Variants in TRA2A observed in about 807,000 individuals in gnomAD.
TRA2A encodes the protein transformer 2 alpha homolog, also known as transformer-2 protein homolog alpha.
TRA2A carries 31 observed loss-of-function variants against 45.7 expected under a neutral mutation model. That is an observed-to-expected ratio of 0.68 (90% confidence interval 0.51 to 0.92). The LOEUF (loss-of-function observed/expected upper bound fraction) is 0.92, where lower values mean the gene tolerates loss of function less well. Among genes scored for constraint, TRA2A ranks in the 40% least tolerant of loss-of-function variants. TRA2A has a pLI of 0.00. For synonymous variants in TRA2A, 132 were observed against 126.2 expected (o/e 1.05, Z -0.31); for missense variants, 304 against 367.5 (o/e 0.83, Z 1.41).
At chr7:23,512,770 CT>C (rs1789685043) in intron 4 of TRA2A, 123 bp downstream of exon 4, 27 of 850,350 alleles carry the variant, frequency 3.2e-5, no homozygotes, top group Non-Finnish European at 4.2e-5. Context: ...AAGATCCTAT[CT>C]TTAAAAAAAA....
chr7:23,510,624 C>T (rs918164083), intron 4 of TRA2A, among the ~76,000 whole-genome samples: 6 of 152,064 alleles, frequency 3.9e-5, no homozygotes, highest in African/African-American at 1.2e-4. Flanking sequence ...CCACTGTGCC[C>T]GGCCTGCCAT....
chr7:23,520,795 C>A (rs891391881), intron 2 of TRA2A, among the ~76,000 whole-genome samples: 2 of 151,112 alleles, frequency 1.3e-5, no homozygotes, highest in African/African-American at 4.9e-5. Flanking sequence ...TGGGTTCAAG[C>A]GATTCTCCTG....
intron 1 of TRA2A, chr7:23,522,297 C>T (rs1790166391): frequency 8.7e-7 from 1 of 1,153,980 alleles, no homozygotes; most frequent in South Asian, 1.9e-5. Context: ...TTCTATCTGA[C>T]CAATCTTCTG....
chr7:23,512,852 C>A, intron 4 of TRA2A, 42 bp downstream of exon 4: 1 of 1,392,310 alleles, frequency 7.2e-7, no homozygotes, highest in Non-Finnish European at 9.7e-7. Context: ...ACTTTTCACA[C>A]TAATTCAGTA....
intron 1 of TRA2A, among the ~76,000 whole-genome samples, chr7:23,528,171 T>C (rs568479633): frequency 1.1e-4 from 16 of 152,288 alleles, no homozygotes; most frequent in African/African-American, 3.8e-4. Flanking sequence ...TAAAACTTCA[T>C]ACACAAAAAA....
At chr7:23,519,986 G>C (rs921921226) in intron 2 of TRA2A, among the ~76,000 whole-genome samples, 2 of 152,222 alleles carry the variant, frequency 1.3e-5, no homozygotes, top group African/African-American at 4.8e-5. Context: ...CCAACACTTT[G>C]GGAGGCCGAG....
intron 4 of TRA2A, among the ~76,000 whole-genome samples, chr7:23,511,370 CAAA>C (rs567187750): frequency 2.5e-5 from 1 of 40,108 alleles, no homozygotes. Context: ...GACTCCATCT[CAAA>C]AAAAAAAAAA....
chr7:23,514,756 T>C (rs944964743), intron 3 of TRA2A, among the ~76,000 whole-genome samples: 3 of 152,186 alleles, frequency 2.0e-5, no homozygotes, highest in Admixed American at 6.6e-5. Flanking sequence ...CCAATATGCC[T>C]GGCCCATTTT....
intron 3 of TRA2A, among the ~76,000 whole-genome samples, chr7:23,514,519 C>T (rs1789770112): frequency 1.3e-5 from 2 of 152,054 alleles, no homozygotes; most frequent in Admixed American, 1.3e-4. Flanking sequence ...AATTCAAATG[C>T]TTTACATCCC....
intron 2 of TRA2A, among the ~76,000 whole-genome samples, chr7:23,520,647 G>A (rs1790092293): frequency 6.7e-6 from 1 of 149,338 alleles, no homozygotes; most frequent in Non-Finnish European, 1.5e-5. Context: ...CCCAAGAAAT[G>A]ACAAGGACGT....
At position 23,506,177 on chromosome 7, in the gene TRA2A, C is replaced by A; in HGVS notation, c.731G>T (p.Arg244Leu). The change falls in exon 6 of 8, where the codon CGT (arginine) becomes CTT (leucine). Residue 244 changes from arginine to leucine, a missense_variant. Around this residue, in one of 3 missense-constraint regions of TRA2A, gnomAD observed 130 missense variants for 217.1 expected, o/e 0.60. Transcript: ENST00000297071. ...RDSYYDRGYD[R>L]GYDRYEDYDY... is the part of the protein sequence containing the mutation. Reference sequence around the variant, plus strand: ...ATAGTCTTCATATCTGTCATACCCACGATCATATCCTCTATCATAGTAAGA... The same window carrying A: ...ATAGTCTTCATATCTGTCATACCCAAGATCATATCCTCTATCATAGTAAGA... 2 of 1,613,414 alleles carry A rather than the reference C, an allele frequency of 1.2e-6. No homozygotes were observed. Among genetic ancestry groups the A allele is most frequent in the Non-Finnish European group, 1.7e-6 (2 of 1,179,550 alleles).
At position 23,516,354 on chromosome 7, in the gene TRA2A, A is replaced by G; in HGVS notation, c.336+9T>C. 1 of 1,613,850 alleles carries G rather than the reference A, an allele frequency of 6.2e-7. No homozygotes were observed. Among genetic ancestry groups the G allele is most frequent in the Non-Finnish European group, 8.5e-7 (1 of 1,179,920 alleles). On this transcript the variant is annotated intron_variant, in intron 3 of 7. Coordinates refer to ENST00000297071, the MANE Select transcript of TRA2A (RefSeq NM_013293.5). ...AATAAGTCTTCATTAACTTTTATAA[A>G]CCACGTACCCTGCTGCCAGTATGTC...
At chr7:23,531,742 C>A (rs1462586973) in intron 1 of TRA2A, 47 bp downstream of exon 1, 2 of 1,609,608 alleles carry the variant, frequency 1.2e-6, no homozygotes, top group South Asian at 2.2e-5. Context: ...CGTGAAACCC[C>A]GAGCATTGGG....
intron 4 of TRA2A, among the ~76,000 whole-genome samples, chr7:23,509,945 G>A (rs139204584): frequency 1.7e-3 from 262 of 152,288 alleles, no homozygotes; most frequent in African/African-American, 6.0e-3. Context: ...AAGATCACTT[G>A]AGCCTGGGAG....
In TRA2A at chr7:23,515,045, A is replaced by G. The variant is rs535317006; in HGVS notation, c.336+1318T>C. On this transcript the variant is annotated intron_variant, in intron 3 of 7. Transcript: ENST00000297071. Reference sequence around the variant, plus strand: ...AGACTCAATTTTTTTTATATATAACATAACTTGCCTCACAGAAATGTTAAA... The same window carrying G: ...AGACTCAATTTTTTTTATATATAACGTAACTTGCCTCACAGAAATGTTAAA... 1.4e-4 allele frequency among the ~76,000 whole-genome samples: 22 copies of G among 152,248 alleles called. No individual in the cohort carries two copies. In the East Asian group the frequency reaches 3.7e-3, roughly 25 times the overall value.
intron 1 of TRA2A, among the ~76,000 whole-genome samples, chr7:23,529,528 T>C (rs1210802324): frequency 3.3e-5 from 5 of 152,194 alleles, no homozygotes; most frequent in African/African-American, 9.6e-5. Context: ...CCAAAAATTG[T>C]TGGATTACAG....
chr7:23,528,024 ACT>A (rs1042971901), intron 1 of TRA2A, among the ~76,000 whole-genome samples: 9 of 151,966 alleles, frequency 5.9e-5, no homozygotes, highest in Non-Finnish European at 1.3e-4. Flanking sequence ...TAAACCCAAG[ACT>A]CTCTTAGGTT....
intron 1 of TRA2A, among the ~76,000 whole-genome samples, chr7:23,528,074 T>C (rs1279372504): frequency 6.6e-6 from 1 of 152,182 alleles, no homozygotes; most frequent in Admixed American, 6.5e-5. Flanking sequence ...GCTTTACCCT[T>C]ATGTAAGGTC....
intron 1 of TRA2A, among the ~76,000 whole-genome samples, chr7:23,525,169 A>G (rs1257287943): frequency 1.3e-5 from 2 of 152,254 alleles, no homozygotes; most frequent in Non-Finnish European, 2.9e-5. Context: ...GAATCAGGCT[A>G]TAAGAAGTCC....
Sources: allele counts gnomAD v4.1 joint callset (sites outside exome capture counted in the v4.1 genomes callset), GRCh38; gene constraint gnomAD v4.1.1; regional missense constraint gnomAD v4.1.1; transcripts MANE v1.5; gene names NCBI Gene and HGNC (gene_info 2026-07-23, HGNC 2026-07-21).